ATP11C: variants seen among roughly 807,000 people sequenced by gnomAD.
ATP11C encodes phospholipid-transporting ATPase IG.
Under a neutral mutation model 97.4 loss-of-function variants are expected in ATP11C, and 36 were observed. That is an observed-to-expected ratio of 0.37 (90% CI 0.28 to 0.49). The LOEUF is 0.49. Among genes scored for constraint, ATP11C ranks in the 20% least tolerant of loss-of-function variants. The pLI is 0.98. For missense variants in ATP11C, 730 were observed against 824.6 expected (o/e 0.89, Z 1.40); for synonymous variants, 275 against 290.9 (o/e 0.95, Z 0.56).
At chrX:139,898,693 A>G (rs1022600830) in intron 1 of ATP11C, among the ~76,000 whole-genome samples, 1 of 112,089 alleles carries the variant, frequency 8.9e-6, no homozygotes, top group Admixed American at 9.5e-5. Flanking sequence ...TCAATATTTG[A>G]AACATGTCAA....
chrX:139,745,597 G>GT lies in ATP11C; in HGVS notation c.2964+124dup, dbSNP rs2081664378. The GT allele has an allele frequency of 7.2e-6, 5 of 694,956 alleles. No individual in the cohort carries two copies. In the East Asian group the frequency reaches 1.7e-4, roughly 24 times the overall value. 57.3% of individuals were successfully genotyped at this position (694,956 alleles called of 1,213,427 possible). ...AAAGAAGCTGTGAGAACTAACTACT[G>GT]TATCTTCAGAAAAAGTTTGTAAAAT... On this transcript the variant is annotated intron_variant, in intron 25 of 29. Coordinates refer to ENST00000682941, the MANE Select transcript of ATP11C (RefSeq NM_001353812.2).
At chrX:139,908,357 C>T (rs1210325469) in intron 1 of ATP11C, among the ~76,000 whole-genome samples, 2 of 112,158 alleles carry the variant, frequency 1.8e-5, no homozygotes, top group African/African-American at 6.5e-5. Flanking sequence ...AAAACATATC[C>T]TATTTCTGCT....
chrX:139,784,256 T>C (rs1450090534), intron 16 of ATP11C, among the ~76,000 whole-genome samples: 2 of 111,975 alleles, frequency 1.8e-5, no homozygotes, highest in East Asian at 5.6e-4. Flanking sequence ...ATAGCAAGTA[T>C]TTGAAATGTT....
intron 1 of ATP11C, among the ~76,000 whole-genome samples, chrX:139,880,977 T>C (rs1021171697): frequency 8.9e-6 from 1 of 111,771 alleles, no homozygotes; most frequent in African/African-American, 3.3e-5. Flanking sequence ...CCCAGGTCCA[T>C]AGAGTTGGGT....
chrX:139,893,781 C>T (rs923936247), intron 1 of ATP11C, among the ~76,000 whole-genome samples: 2 of 110,843 alleles, frequency 1.8e-5, no homozygotes, highest in East Asian at 2.8e-4. Flanking sequence ...AGTGGCATAG[C>T]CAGCAAAGAA....
At chrX:139,870,500 T>C in intron 1 of ATP11C, among the ~76,000 whole-genome samples, 1 of 112,401 alleles carries the variant, frequency 8.9e-6, no homozygotes, top group Middle Eastern at 4.6e-3. Flanking sequence ...TTTTATGTGA[T>C]TCCTCAAACA....
intron 19 of ATP11C, among the ~76,000 whole-genome samples, chrX:139,769,011 TAATAC>T (rs2082193802): frequency 9.2e-6 from 1 of 108,516 alleles, no homozygotes. Context: ...CCCAGCTAGA[TAATAC>T]AATTGCCCAA....
At chrX:139,782,807 G>C (rs996127593) in intron 17 of ATP11C, 79 bp from the exon 18 acceptor site, 5 of 743,944 alleles carry the variant, frequency 6.7e-6, no homozygotes, top group Middle Eastern at 3.2e-4. Context: ...AAATACTCTT[G>C]CTTTAGCCAT....
intron 1 of ATP11C, among the ~76,000 whole-genome samples, chrX:139,908,993 C>T (rs778879966): frequency 7.5e-4 from 84 of 112,386 alleles, no homozygotes; most frequent in Non-Finnish European, 1.4e-3. Flanking sequence ...TTCAGTTAAT[C>T]AATTTGCTTC....
intron 19 of ATP11C, among the ~76,000 whole-genome samples, chrX:139,770,025 A>C (rs2082222991): frequency 2.7e-5 from 3 of 111,987 alleles, no homozygotes; most frequent in Non-Finnish European, 5.6e-5. Context: ...GTATAATTTT[A>C]TTCACTAAAT....
In ATP11C at chrX:139,737,946, T is replaced by C. The variant is rs766294642; in HGVS notation, c.3258A>G (p.Val1086=). 2 of 1,204,688 alleles carry C rather than the reference T, an allele frequency of 1.7e-6. No homozygotes were observed. The highest frequency in any genetic ancestry group is 3.6e-5 in the South Asian group (2 of 55,959). Reference sequence around the variant, plus strand: ...CACTTCTTCTTCTTACATTCTTTAATACTATCAGAAGAATCTCAGGGAACA... The same window carrying C: ...CACTTCTTCTTCTTACATTCTTTAACACTATCAGAAGAATCTCAGGGAACA... ...ISLFPEILLI[V]LKNVRRRSAR... is the part of the protein sequence containing the mutation. The change falls in exon 28 of 30, where the codon GTA becomes GTG. Residue 1086 remains valine, a synonymous_variant. Transcript: ENST00000682941.
intron 23 of ATP11C, among the ~76,000 whole-genome samples, chrX:139,750,494 G>A (rs1197160750): frequency 8.9e-6 from 1 of 112,078 alleles, no homozygotes; most frequent in Non-Finnish European, 1.9e-5. Flanking sequence ...AGACCATTAA[G>A]TATAAGTGAG....
intron 22 of ATP11C, 52 bp downstream of exon 22, chrX:139,761,909 G>C (rs762271668): frequency 1.2e-5 from 11 of 910,193 alleles, no homozygotes; most frequent in Non-Finnish European, 1.6e-5. Flanking sequence ...TGACCAAGCT[G>C]AGCCAATGCT....
intron 1 of ATP11C, among the ~76,000 whole-genome samples, chrX:139,873,828 T>C (rs911278372): frequency 1.6e-4 from 17 of 107,699 alleles, no homozygotes; most frequent in African/African-American, 5.4e-4. Flanking sequence ...AAAAAAAAGT[T>C]GATTGGCTCC....
Position 139,932,069 on chromosome X carries a change from C to G in ATP11C, c.-27G>C. 8.7e-7 allele frequency: 1 copy of G among 1,151,222 alleles called. No homozygotes were observed. The highest frequency in any genetic ancestry group is 1.2e-6 in the Non-Finnish European group (1 of 863,466). The allele number at this position is 1,151,222 out of a possible 1,213,427, so 94.9% of individuals were successfully genotyped here. A position where few individuals can be genotyped will look rare whatever the true frequency, so the allele number is the denominator to read the frequency against. On this transcript the variant is annotated 5_prime_UTR_variant, in exon 1 of 30. Transcript: ENST00000682941. ...GCGTCGAAGGCTGCCGGGCGCTGAGCTGGGCTCTACCGGGCTGTCTGGGAA... is the reference window on the plus strand; with the variant it reads ...GCGTCGAAGGCTGCCGGGCGCTGAGGTGGGCTCTACCGGGCTGTCTGGGAA...
chrX:139,909,543 ACACACACACACACCCCATG>A (rs2085036599), intron 1 of ATP11C, among the ~76,000 whole-genome samples: 1 of 111,452 alleles, frequency 9.0e-6, no homozygotes, highest in African/African-American at 3.3e-5. Flanking sequence ...ACACATACAC[ACACACACACACACCCCATG>A]CACACACACA....
intron 13 of ATP11C, 93 bp downstream of exon 13, chrX:139,789,234 G>A (rs1278461195): frequency 2.9e-6 from 2 of 691,686 alleles, no homozygotes; most frequent in Admixed American, 7.4e-5. Context: ...AAAAGTCTAT[G>A]TCATGTGTCC....
intron 1 of ATP11C, among the ~76,000 whole-genome samples, chrX:139,904,824 G>A (rs2084950754): frequency 8.9e-6 from 1 of 111,778 alleles, no homozygotes; most frequent in Admixed American, 9.6e-5. Flanking sequence ...AATACAGTAG[G>A]AGGGTAGATC....
intron 23 of ATP11C, among the ~76,000 whole-genome samples, chrX:139,753,708 TGAGGCA>T (rs779521319): frequency 1.8e-5 from 2 of 110,668 alleles, no homozygotes; most frequent in African/African-American, 6.6e-5. Flanking sequence ...CTTGGGAGGC[TGAGGCA>T]GGAGAAATCA....
Sources: gnomAD v4.1 joint callset for allele counts (sites outside exome capture counted in the v4.1 genomes callset) on GRCh38, gnomAD v4.1.1 for gene constraint, MANE v1.5 for transcripts, NCBI Gene and HGNC (gene_info 2026-07-23, HGNC 2026-07-21) for gene names.